ARFGEF1: variants seen among roughly 807,000 people sequenced by gnomAD.
ARFGEF1 encodes the protein ARF guanine nucleotide exchange factor 1.
Under a neutral mutation model 231.0 loss-of-function variants are expected in ARFGEF1, and 42 were observed. The ratio of observed to expected loss-of-function variants is 0.18; its 90% CI spans 0.14 to 0.24. The LOEUF (loss-of-function observed/expected upper bound fraction) is 0.24, where lower values mean the gene tolerates loss of function less well. Among genes scored for constraint, ARFGEF1 ranks in the 10% least tolerant of loss-of-function variants. ARFGEF1 has a pLI of 1.00. For synonymous variants in ARFGEF1, 710 were observed against 732.3 expected, an observed-to-expected ratio of 0.97 and a Z score of 0.49; for missense variants, 1,345 against 2,192.0, an observed-to-expected ratio of 0.61 and a Z score of 7.72.
At chr8:67,263,677 C>T (rs891000061) in intron 14 of ARFGEF1, among the ~76,000 whole-genome samples, 3 of 152,144 alleles carry the variant, frequency 2.0e-5, no homozygotes, top group African/African-American at 7.2e-5. Context: ...CAACCATAAC[C>T]ACTTAACATT....
chr8:67,211,640 G>GT (rs763987756), intron 33 of ARFGEF1, 25 bp from the exon 34 acceptor site: 5 of 1,336,026 alleles, frequency 3.7e-6, no homozygotes, highest in Non-Finnish European at 5.0e-6. Context: ...AAAAATCACT[G>GT]TAAGTATGGT....
In ARFGEF1 at chr8:67,338,596, C is replaced by A. The variant is rs1808455096; in HGVS notation, c.124+4568G>T. 9.2e-5 allele frequency among the ~76,000 whole-genome samples: 14 copies of A among 152,206 alleles called. 1 individual carries two copies. Among genetic ancestry groups the A allele is most frequent in the Admixed American group, 9.2e-4 (14 of 15,280 alleles). On this transcript the variant is annotated intron_variant, in intron 1 of 38. Coordinates refer to ENST00000262215, the MANE Select transcript of ARFGEF1 (RefSeq NM_006421.5). ...ACCCAAACTTATTTTCTTCAAAGAG[C>A]TTCTCTAAGAACTTGTACTCTGCAA...
At chr8:67,253,339 G>C in intron 18 of ARFGEF1, 112 bp downstream of exon 18, 3 of 661,168 alleles carry the variant, frequency 4.5e-6, no homozygotes. Context: ...GCCTCCCTGA[G>C]TAGCTGGGGA....
chr8:67,342,047 C>T (rs940976670), intron 1 of ARFGEF1, among the ~76,000 whole-genome samples: 2 of 152,152 alleles, frequency 1.3e-5, no homozygotes, highest in East Asian at 1.9e-4. Context: ...GTCTAGACTC[C>T]TTAACTCTAG....
At chr8:67,253,403 A>T in intron 18 of ARFGEF1, 48 bp downstream of exon 18, 1 of 1,368,070 alleles carries the variant, frequency 7.3e-7, no homozygotes, top group African/African-American at 1.5e-5. Context: ...TTAGGAACCC[A>T]TATTTTTCCC....
At chr8:67,284,477 C>T (rs892700949) in intron 7 of ARFGEF1, among the ~76,000 whole-genome samples, 2 of 152,006 alleles carry the variant, frequency 1.3e-5, no homozygotes, top group African/African-American at 4.8e-5. Flanking sequence ...AAAAAACGAA[C>T]CAATAAAATA....
chr8:67,221,616 A>C (rs992318675), intron 29 of ARFGEF1, among the ~76,000 whole-genome samples: 3 of 152,170 alleles, frequency 2.0e-5, no homozygotes, highest in Non-Finnish European at 2.9e-5. Context: ...ATTATAAAGC[A>C]AAAAAGTTAC....
At chr8:67,244,319 T>C (rs111968611) in intron 19 of ARFGEF1, among the ~76,000 whole-genome samples, 10 of 131,206 alleles carry the variant, frequency 7.6e-5, no homozygotes, top group Non-Finnish European at 1.6e-4. Context: ...TGTTGTTGTT[T>C]TTTTTTTTTT....
downstream of ARFGEF1, chr8:67,196,235 T>A: frequency 6.6e-6 from 1 of 152,352 alleles, no homozygotes; most frequent in Non-Finnish European, 1.5e-5. Flanking sequence ...CTTCTTGATA[T>A]AAATAAATTT....
At chr8:67,336,120 CAAGTCT>C (rs1196577190) in intron 1 of ARFGEF1, among the ~76,000 whole-genome samples, 2 of 152,220 alleles carry the variant, frequency 1.3e-5, no homozygotes, top group Non-Finnish European at 2.9e-5. Flanking sequence ...TTAGTTACAT[CAAGTCT>C]AAGTCTAAGC....
At chr8:67,277,527 G>T in intron 7 of ARFGEF1, 70 bp from the exon 8 acceptor site, 1 of 1,421,504 alleles carries the variant, frequency 7.0e-7, no homozygotes, top group Non-Finnish European at 9.6e-7. Flanking sequence ...AAAGCACAGA[G>T]TATTTAAAAT....
intron 5 of ARFGEF1, among the ~76,000 whole-genome samples, chr8:67,192,136 G>A (rs1267583939): frequency 6.7e-6 from 1 of 148,608 alleles, no homozygotes; most frequent in Non-Finnish European, 1.5e-5. Flanking sequence ...GCAGTGGCGT[G>A]ATCTCAGTGC....
At chr8:67,204,925 A>G (rs1419127745) in intron 34 of ARFGEF1, 106 bp from the exon 35 acceptor site, 4 of 1,346,478 alleles carry the variant, frequency 3.0e-6, no homozygotes, top group Admixed American at 1.8e-5. Flanking sequence ...ATGTATTCAC[A>G]TATCACACTG....
At chr8:67,256,094 A>G (rs1160527119) in intron 17 of ARFGEF1, among the ~76,000 whole-genome samples, 1 of 152,222 alleles carries the variant, frequency 6.6e-6, no homozygotes, top group Non-Finnish European at 1.5e-5. Flanking sequence ...ACTCTAGTGT[A>G]GATTGAAAAA....
Position 67,198,843 on chromosome 8 carries a change from G to C in ARFGEF1, c.*91C>G. On this transcript the variant is annotated 3_prime_UTR_variant, in exon 39 of 39. Coordinates refer to ENST00000262215, the MANE Select transcript of ARFGEF1 (RefSeq NM_006421.5). ...CCAGTAACTCAGACACTGCAATCCA[G>C]AGAAATCATTTTTCAGGTAGGAAAC... The C allele has an allele frequency of 6.5e-7, 1 of 1,544,242 alleles. No homozygotes were observed. Among genetic ancestry groups the C allele is most frequent in the Non-Finnish European group, 8.7e-7 (1 of 1,152,176 alleles).
intron 5 of ARFGEF1, among the ~76,000 whole-genome samples, chr8:67,183,916 G>C (rs1054238785): frequency 3.6e-5 from 5 of 138,788 alleles, no homozygotes; most frequent in African/African-American, 1.4e-4. Flanking sequence ...GTGATGGCGT[G>C]ATCTTGGCTC....
At chr8:67,177,840 CG>C (rs2129569719) in intron 5 of ARFGEF1, 1 of 788,930 alleles carries the variant, frequency 1.3e-6, no homozygotes, top group East Asian at 2.5e-5. Flanking sequence ...GAATTAAGAA[CG>C]TAAGTCTTAT....
chr8:67,204,063 A>G (rs1462907156), intron 35 of ARFGEF1, among the ~76,000 whole-genome samples: 1 of 152,122 alleles, frequency 6.6e-6, no homozygotes, highest in Non-Finnish European at 1.5e-5. Context: ...CATATCACCA[A>G]TCTGGAGAAC....
intron 19 of ARFGEF1, among the ~76,000 whole-genome samples, chr8:67,245,132 T>C (rs1349681061): frequency 6.6e-6 from 1 of 150,608 alleles, no homozygotes; most frequent in Non-Finnish European, 1.5e-5. Context: ...CTGGTGAAAC[T>C]ATCCTTTAAA....
Sources: allele counts gnomAD v4.1 joint callset (sites outside exome capture counted in the v4.1 genomes callset), GRCh38; gene constraint gnomAD v4.1.1; transcripts MANE v1.5; gene names NCBI Gene and HGNC (gene_info 2026-07-23, HGNC 2026-07-21).